BAIAP2L1: variants seen among roughly 807,000 people sequenced by gnomAD.
The protein encoded by BAIAP2L1 is BAR/IMD domain containing adaptor protein 2 like 1.
In BAIAP2L1, 35 loss-of-function variants were observed where a neutral mutation model predicts 66.3. The ratio of observed to expected loss-of-function variants is 0.53; its 90% CI spans 0.40 to 0.70. The LOEUF (loss-of-function observed/expected upper bound fraction) is 0.70. BAIAP2L1 is among the 30% of genes least tolerant of loss of function. The pLI is 0.00. For missense variants in BAIAP2L1, 622 were observed against 656.9 expected (o/e 0.95, Z 0.58); for synonymous variants, 269 against 248.7 (o/e 1.08, Z -0.77).
At chr7:98,381,275 G>T (rs533369909) in intron 1 of BAIAP2L1, among the ~76,000 whole-genome samples, 1 of 152,258 alleles carries the variant, frequency 6.6e-6, no homozygotes, top group African/African-American at 2.4e-5. Context: ...AATCTTCAGC[G>T]CATGGAGAAA....
intron 3 of BAIAP2L1, among the ~76,000 whole-genome samples, chr7:98,324,807 T>A (rs1226379506): frequency 6.6e-6 from 1 of 152,174 alleles, no homozygotes; most frequent in African/African-American, 2.4e-5. Flanking sequence ...GGACTATTAA[T>A]ATATTTTCTT....
intron 1 of BAIAP2L1, among the ~76,000 whole-genome samples, chr7:98,363,055 G>A (rs1183327101): frequency 1.9e-5 from 2 of 107,586 alleles, no homozygotes; most frequent in Admixed American, 1.2e-4. Flanking sequence ...TTTTTTTTGA[G>A]ACGGAGTCTC....
At chr7:98,296,138 G>A (rs1461388753) in intron 12 of BAIAP2L1, among the ~76,000 whole-genome samples, 1 of 152,176 alleles carries the variant, frequency 6.6e-6, no homozygotes, top group Non-Finnish European at 1.5e-5. Flanking sequence ...CTGTCCCTAC[G>A]GGGCCACCCC....
rs751593031 is a variant in BAIAP2L1, at chr7:98,307,805, C to A, written c.1047G>T (p.Pro349=). ...AGGTCTTGTTGGAGCCCGCAGTGTGCGGGAAGATGGTCTTCACTTTCTGCT... is the reference window on the plus strand; with the variant it reads ...AGGTCTTGTTGGAGCCCGCAGTGTGAGGGAAGATGGTCTTCACTTTCTGCT... The part of the protein sequence containing the change: ...MKKQKVKTIF[P]HTAGSNKTLL... Residue 349 remains proline (P), a synonymous_variant, in exon 10 of 14, where the codon CCG becomes CCT. Coordinates refer to ENST00000005260, the MANE Select transcript of BAIAP2L1 (RefSeq NM_018842.5). 5.5e-5 allele frequency: 89 copies of A among 1,614,088 alleles called. No individual in the cohort carries two copies. Among genetic ancestry groups the A allele is most frequent in the Non-Finnish European group, 6.9e-5 (81 of 1,180,038 alleles).
At chr7:98,329,061 T>C (rs1407832448) in intron 3 of BAIAP2L1, among the ~76,000 whole-genome samples, 3 of 152,214 alleles carry the variant, frequency 2.0e-5, no homozygotes, top group Non-Finnish European at 4.4e-5. Flanking sequence ...TCCATCAGGA[T>C]TGATCCATCA....
intron 2 of BAIAP2L1, among the ~76,000 whole-genome samples, chr7:98,361,542 G>T (rs1178405094): frequency 6.6e-6 from 1 of 152,080 alleles, no homozygotes; most frequent in Admixed American, 6.6e-5. Flanking sequence ...ACATTTTGGG[G>T]AAGAACTGTC....
intron 12 of BAIAP2L1, among the ~76,000 whole-genome samples, chr7:98,303,636 T>A (rs1366486614): frequency 1.3e-5 from 2 of 152,172 alleles, no homozygotes; most frequent in Admixed American, 6.5e-5. Flanking sequence ...CTCTGTGCGG[T>A]GGCGGGAATG....
chr7:98,308,562 AG>A (rs1308556493), intron 9 of BAIAP2L1: 3 of 340,462 alleles, frequency 8.8e-6, no homozygotes, highest in Non-Finnish European at 1.8e-5. Flanking sequence ...CAGCTAGGGC[AG>A]GTTTGTCCCA....
intron 1 of BAIAP2L1, among the ~76,000 whole-genome samples, chr7:98,368,709 AATCGT>A (rs1437141772): frequency 1.3e-5 from 2 of 152,032 alleles, no homozygotes; most frequent in African/African-American, 2.4e-5. Flanking sequence ...ACAAAAAAGG[AATCGT>A]ATCGTATGTG....
chr7:98,313,982 CTTTTTTTTTT>C (rs35599338), intron 7 of BAIAP2L1, among the ~76,000 whole-genome samples: 7 of 100,940 alleles, frequency 6.9e-5, no homozygotes, highest in Non-Finnish European at 9.6e-5. Flanking sequence ...CTTTTTCTTC[CTTTTTTTTTT>C]TTTTTTTTTT....
At chr7:98,306,581 C>T (rs997374248) in intron 10 of BAIAP2L1, 65 bp from the exon 11 acceptor site, 2 of 1,611,928 alleles carry the variant, frequency 1.2e-6, no homozygotes, top group African/African-American at 2.7e-5. Context: ...CCTCCCTGAA[C>T]AACCTGGTGA....
At chr7:98,319,736 A>G (rs1370103387) in intron 5 of BAIAP2L1, among the ~76,000 whole-genome samples, 1 of 152,074 alleles carries the variant, frequency 6.6e-6, no homozygotes, top group African/African-American at 2.4e-5. Context: ...TTTTGAGTAG[A>G]GATGGGGTTT....
At chr7:98,377,819 C>CAAAAAAAA in intron 1 of BAIAP2L1, among the ~76,000 whole-genome samples, 1 of 40,768 alleles carries the variant, frequency 2.5e-5, no homozygotes, top group Non-Finnish European at 3.8e-5. Flanking sequence ...GACTCAATCT[C>CAAAAAAAA]AAAAAAAAAA....
At chr7:98,353,656 T>TCA (rs1802055860) in intron 3 of BAIAP2L1, among the ~76,000 whole-genome samples, 1 of 139,590 alleles carries the variant, frequency 7.2e-6, no homozygotes, top group African/African-American at 2.7e-5. Context: ...ATATATATTT[T>TCA]TATATATATA....
intron 3 of BAIAP2L1, among the ~76,000 whole-genome samples, chr7:98,335,071 T>C (rs1801582727): frequency 7.1e-6 from 1 of 141,144 alleles, no homozygotes; most frequent in African/African-American, 2.6e-5. Context: ...GAGAATGGTG[T>C]GAACCCGGGA....
At chr7:98,382,731 A>G (rs375225342) in intron 1 of BAIAP2L1, among the ~76,000 whole-genome samples, 3 of 152,314 alleles carry the variant, frequency 2.0e-5, no homozygotes, top group African/African-American at 7.2e-5. Flanking sequence ...ACTTTGGAAC[A>G]ATGTCTCGTC....
chr7:98,392,688 T>G lies in BAIAP2L1; in HGVS notation c.51+8114A>C, dbSNP rs190234628. On this transcript the variant is annotated intron_variant, in intron 1 of 13. Transcript: ENST00000005260. ...GAGTCCTGTGCAGTCATCAAAATGA[T>G]AGAGCACAGAAAACTGACATGGGGA... Among the ~76,000 whole-genome samples the G allele has an allele frequency of 2.6e-4, 39 of 152,174 alleles. No homozygotes were observed. In the East Asian group the frequency reaches 6.6e-3, roughly 26 times the overall value.
At position 98,366,131 on chromosome 7, in the gene BAIAP2L1, G is replaced by A. The variant is rs1004332016; in HGVS notation, c.52-3699C>T. 6.6e-5 allele frequency among the ~76,000 whole-genome samples: 10 copies of A among 152,254 alleles called. 1 individual carries two copies. Among genetic ancestry groups the A allele is most frequent in the Admixed American group, 3.3e-4 (5 of 15,280 alleles). ...GAAGTTTCTAATTTCCTGTCATTGG[G>A]TGGGGGACAATCATCGGATGGTCAG... On this transcript the variant is annotated intron_variant, in intron 1 of 13. Transcript: ENST00000005260.
At chr7:98,355,358 C>A (rs761402368) in intron 2 of BAIAP2L1, 8 of 534,350 alleles carry the variant, frequency 1.5e-5, no homozygotes, top group South Asian at 1.4e-4. Context: ...CCCCGGGGAA[C>A]CTTCAGCAGC....
Sources: allele counts gnomAD v4.1 joint callset (sites outside exome capture counted in the v4.1 genomes callset), GRCh38; gene constraint gnomAD v4.1.1; transcripts MANE v1.5; gene names NCBI Gene and HGNC (gene_info 2026-07-23, HGNC 2026-07-21).